The following SNTB1 variants were observed in gnomAD, a reference collection of about 807,000 sequenced individuals.
The protein encoded by SNTB1 is beta-1-syntrophin.
In SNTB1, 36 loss-of-function variants were observed where a neutral mutation model predicts 48.9. The ratio of observed to expected loss-of-function variants is 0.74; its 90% CI spans 0.56 to 0.97. The LOEUF (loss-of-function observed/expected upper bound fraction) is 0.97, where lower values mean the gene tolerates loss of function less well. SNTB1 is among the 50% of genes least tolerant of loss of function. The pLI, the probability that SNTB1 is intolerant of heterozygous loss-of-function variation, is 0.00. For synonymous variants in SNTB1, 299 were observed against 294.6 expected (o/e 1.01, Z -0.15); for missense variants, 786 against 703.4 (o/e 1.12, Z -1.33).
intron 3 of SNTB1, among the ~76,000 whole-genome samples, chr8:120,594,991 G>A (rs567529169): frequency 2.0e-5 from 3 of 151,918 alleles, no homozygotes; most frequent in South Asian, 2.1e-4. Context: ...ATTTTACCAC[G>A]CATTCACAAA....
intron 1 of SNTB1, among the ~76,000 whole-genome samples, chr8:120,700,179 T>TG (rs1818283002): frequency 3.6e-5 from 4 of 109,594 alleles, no homozygotes; most frequent in African/African-American, 1.2e-4. Context: ...GTGTGTGTGT[T>TG]TGTGTGTGTG....
Position 120,646,451 on chromosome 8 carries a change from A to T in SNTB1, c.789-13800T>A, listed in dbSNP as rs184979547. Among the ~76,000 whole-genome samples, 786 of 150,506 alleles carry T rather than the reference A, an allele frequency of 5.2e-3. 3 individuals are homozygous for T. The highest frequency in any genetic ancestry group is 0.018 in the African/African-American group (746 of 41,190). ...GTGGTTTTTGTCTTTGGCTCTGTTT[A>T]AATGCTGGATTACATTTATTGATTT... On this transcript the variant is annotated intron_variant, in intron 2 of 6. Transcript: ENST00000517992.
chr8:120,632,369 G>A, intron 3 of SNTB1, 75 bp downstream of exon 3: 5 of 1,319,570 alleles, frequency 3.8e-6, no homozygotes, highest in Non-Finnish European at 5.3e-6. Flanking sequence ...TATGGGATGA[G>A]ATAGTTTTAG....
chr8:120,635,010 C>G (rs1817051156), intron 2 of SNTB1, among the ~76,000 whole-genome samples: 1 of 152,150 alleles, frequency 6.6e-6, no homozygotes, highest in Non-Finnish European at 1.5e-5. Flanking sequence ...CGCCACCGCA[C>G]CCAGCTAATT....
At chr8:120,598,451 T>C (rs1321640352) in intron 3 of SNTB1, among the ~76,000 whole-genome samples, 1 of 152,208 alleles carries the variant, frequency 6.6e-6, no homozygotes, top group Non-Finnish European at 1.5e-5. Context: ...TATGGCTGAA[T>C]CACTTAGTAT....
chr8:120,682,984 C>A (rs935067975), intron 2 of SNTB1, among the ~76,000 whole-genome samples: 4 of 151,096 alleles, frequency 2.6e-5, no homozygotes, highest in Non-Finnish European at 4.4e-5. Context: ...TGGGTTCACG[C>A]CATTCTCCTG....
At chr8:120,697,409 T>C (rs761228000) in intron 1 of SNTB1, among the ~76,000 whole-genome samples, 1 of 152,218 alleles carries the variant, frequency 6.6e-6, no homozygotes, top group East Asian at 1.9e-4. Flanking sequence ...TCAATTTTCA[T>C]GTGCTAAGAA....
chr8:120,712,945 TCTC>T (rs1182030095), intron 1 of SNTB1, among the ~76,000 whole-genome samples: 3 of 152,122 alleles, frequency 2.0e-5, no homozygotes, highest in Non-Finnish European at 4.4e-5. Context: ...GACACCGTCT[TCTC>T]CTCGTTACTA....
chr8:120,573,913 G>A (rs1299351698), intron 4 of SNTB1, among the ~76,000 whole-genome samples: 1 of 152,144 alleles, frequency 6.6e-6, no homozygotes, highest in East Asian at 1.9e-4. Context: ...GTATCATAAG[G>A]TTTTGATTAT....
intron 3 of SNTB1, among the ~76,000 whole-genome samples, chr8:120,611,423 T>C (rs945485022): frequency 1.3e-5 from 2 of 152,212 alleles, no homozygotes; most frequent in African/African-American, 4.8e-5. Flanking sequence ...TGTGGAGTTA[T>C]ATTGTCCACA....
rs560566187 is a variant in SNTB1 at position 120,587,208 on chromosome 8, G to A, written c.997-11983C>T. Among the ~76,000 whole-genome samples the A allele has an allele frequency of 2.9e-5, 4 of 138,688 alleles. No homozygotes were observed. In the East Asian group the frequency reaches 6.1e-4, roughly 21 times the overall value. 91.0% of individuals were successfully genotyped at this position (138,688 alleles called of 152,430 possible). A position where few individuals can be genotyped will look rare whatever the true frequency, so the allele number is the denominator to read the frequency against. ...TGCACTCCAGCCTGGGCAACGGAGC[G>A]AGACTCTGTCTCAAAAACAAAACAA... is the stretch of plus-strand genomic sequence containing the variant. On this transcript the variant is annotated intron_variant, in intron 3 of 6. Transcript: ENST00000517992.
chr8:120,653,996 C>T lies in SNTB1; in HGVS notation c.789-21345G>A, dbSNP rs555183954. Among the ~76,000 whole-genome samples the T allele has an allele frequency of 6.3e-5, 8 of 126,722 alleles. No homozygotes were observed. The East Asian group carries it at 1.8e-3, about 28-fold the overall frequency. The allele number at this position is 126,722 out of a possible 152,430, so 83.1% of individuals were successfully genotyped here. A position where few individuals can be genotyped will look rare whatever the true frequency, so the allele number is the denominator to read the frequency against. ...CGGAGCTTGCAGTGAGCCCAGATGG[C>T]GCCACTGCACTCCAGCCTGGGAGAC... On this transcript the variant is annotated intron_variant, in intron 2 of 6. Coordinates refer to ENST00000517992, the MANE Select transcript of SNTB1 (RefSeq NM_021021.4).
At chr8:120,752,452 A>C (rs959341491) in intron 1 of SNTB1, among the ~76,000 whole-genome samples, 112 of 152,136 alleles carry the variant, frequency 7.4e-4, no homozygotes, top group African/African-American at 2.6e-3. Flanking sequence ...TATATATCTA[A>C]AGGAAAATCA....
At chr8:120,562,608 T>C (rs532854379) in intron 4 of SNTB1, among the ~76,000 whole-genome samples, 10 of 152,184 alleles carry the variant, frequency 6.6e-5, no homozygotes, top group Non-Finnish European at 1.3e-4. Context: ...CCATAGAATA[T>C]GCCCCACATT....
At chr8:120,604,459 T>C (rs1463506578) in intron 3 of SNTB1, among the ~76,000 whole-genome samples, 6 of 18,400 alleles carry the variant, frequency 3.3e-4, no homozygotes, top group Admixed American at 2.5e-3. Flanking sequence ...TTTTGCTTCT[T>C]TTTTTTTTTT....
At chr8:120,552,246 G>A (rs1487461329) in intron 4 of SNTB1, among the ~76,000 whole-genome samples, 1 of 152,194 alleles carries the variant, frequency 6.6e-6, no homozygotes, top group African/African-American at 2.4e-5. Context: ...CAGGGTATGA[G>A]GAATGGAATT....
chr8:120,671,059 A>G (rs949766780), intron 2 of SNTB1, among the ~76,000 whole-genome samples: 5 of 152,196 alleles, frequency 3.3e-5, no homozygotes, highest in African/African-American at 1.2e-4. Context: ...TACTTCCCCA[A>G]TGATTACACT....
chr8:120,654,732 C>T, intron 2 of SNTB1: 1 of 269,852 alleles, frequency 3.7e-6, no homozygotes, highest in Non-Finnish European at 7.3e-6. Flanking sequence ...CTCTCAAAGG[C>T]TTTCATGGAG....
intron 3 of SNTB1, among the ~76,000 whole-genome samples, chr8:120,609,217 C>A (rs939135681): frequency 6.6e-6 from 1 of 152,070 alleles, no homozygotes; most frequent in Non-Finnish European, 1.5e-5. Flanking sequence ...TAGTTCCAGG[C>A]AAGAAAAAAT....
Sources: allele counts gnomAD v4.1 joint callset (sites outside exome capture counted in the v4.1 genomes callset), GRCh38; gene constraint gnomAD v4.1.1; transcripts MANE v1.5; gene names NCBI Gene and HGNC (gene_info 2026-07-23, HGNC 2026-07-21).